The following L1TD1 variants were observed in gnomAD, a reference collection of about 807,000 sequenced individuals.
The protein encoded by L1TD1 is LINE-1 type transposase domain-containing protein 1.
In L1TD1, 26 loss-of-function variants were observed where a neutral mutation model predicts 25.7. The observed-to-expected ratio is 1.01, with a 90% CI of 0.74 to 1.40. The LOEUF is 1.40. Among genes scored for constraint, L1TD1 ranks in the 40% most tolerant of loss-of-function variants. L1TD1 has a pLI of 0.00. For missense variants in L1TD1, 1,130 were observed against 975.0 expected, an observed-to-expected ratio of 1.16 and a Z score of -2.12; for synonymous variants, 421 against 335.6, an observed-to-expected ratio of 1.25 and a Z score of -2.78.
intron 1 of L1TD1, 63 bp from the exon 2 acceptor site, chr1:62,196,372 A>T (rs561664506): frequency 1.1e-3 from 164 of 152,292 alleles, no homozygotes; most frequent in African/African-American, 3.8e-3. Flanking sequence ...CTTCAATATA[A>T]GGTGATTTTC....
chr1:62,210,371 C>T lies in L1TD1; in HGVS notation c.1597C>T (p.Gln533Ter). Reference sequence around the variant, plus strand: ...GAAACACCAGGTGGTGCACAAAACCCAGGAGGAAGAGGAAACAGCTGTGCC... The same window carrying T: ...GAAACACCAGGTGGTGCACAAAACCTAGGAGGAAGAGGAAACAGCTGTGCC... ...LVKHQVVHKT[Q>*]EEEETAVPTS... The change falls in exon 4 of 4, where the codon CAG becomes TAG. Residue 533 changes from glutamine (Q) to a stop codon, truncating the protein, a stop_gained. Transcript: ENST00000498273. LOFTEE classifies it low-confidence loss of function (END_TRUNC). 2 of 1,613,794 alleles carry T rather than the reference C, an allele frequency of 1.2e-6. No individual in the cohort carries two copies. Among genetic ancestry groups the T allele is most frequent in the Non-Finnish European group, 8.5e-7 (1 of 1,179,968 alleles).
At chr1:62,205,443 A>ATATTTTTTTTTTTTTT (rs1553122597) in intron 2 of L1TD1, among the ~76,000 whole-genome samples, 4 of 63,656 alleles carry the variant, frequency 6.3e-5, no homozygotes, top group African/African-American at 2.3e-4. Context: ...ATATATATAT[A>ATATTTTTTTTTTTTTT]TTTTTTTTTA....
rs1670822331 is a variant in L1TD1 at position 62,209,839 on chromosome 1, G to A, written c.1065G>A (p.Leu355=). ...HRAGEITSDG[L]SFLFLKEVKV... ...CTGGAGAAATAACCAGTGATGGCTTGAGCTTCCTATTTCTTAAAGAAGTAA... is the reference window on the plus strand; with the variant it reads ...CTGGAGAAATAACCAGTGATGGCTTAAGCTTCCTATTTCTTAAAGAAGTAA... Residue 355 remains leucine, a synonymous_variant, in exon 4 of 4, where the codon TTG becomes TTA. Coordinates refer to ENST00000498273, the MANE Select transcript of L1TD1 (RefSeq NM_019079.5). The A allele has an allele frequency of 1.2e-6, 2 of 1,613,666 alleles. No homozygotes were observed. Among genetic ancestry groups the A allele is most frequent in the South Asian group, 1.1e-5 (1 of 91,014 alleles).
rs183675775 is a variant in L1TD1, at chr1:62,203,215, G to A, written c.-110-3304G>A. 5.3e-5 allele frequency among the ~76,000 whole-genome samples: 8 copies of A among 151,260 alleles called. No individual in the cohort carries two copies. In the Admixed American group the frequency reaches 5.3e-4, roughly 10 times the overall value. ...GTAATAATCACATCAGGGTAAATGG[G>A]GGTATCCTATGCACTACCTCAAACA... On this transcript the variant is annotated intron_variant, in intron 2 of 3. Coordinates refer to ENST00000498273, the MANE Select transcript of L1TD1 (RefSeq NM_019079.5).
rs1042177245 is a variant in L1TD1 at position 62,205,373 on chromosome 1, T to C, written c.-110-1146T>C. Among the ~76,000 whole-genome samples the C allele has an allele frequency of 8.9e-3, 803 of 89,888 alleles. 7 individuals are homozygous for C. The highest frequency in any genetic ancestry group is 0.029 in the African/African-American group (732 of 25,496). 59.0% of individuals were successfully genotyped at this position (89,888 alleles called of 152,430 possible). Reference sequence around the variant, plus strand: ...AAAATAAAACCAACGAAAACTCTCTTTCTCTCTCTCTCTCTTTCTCTCTCT... The same window carrying C: ...AAAATAAAACCAACGAAAACTCTCTCTCTCTCTCTCTCTCTTTCTCTCTCT... On this transcript the variant is annotated intron_variant, in intron 2 of 3. Coordinates refer to ENST00000498273, the MANE Select transcript of L1TD1 (RefSeq NM_019079.5).
chr1:62,208,849 C>T (rs41514144), intron 3 of L1TD1, among the ~76,000 whole-genome samples: 20,022 of 152,208 alleles, frequency 0.13, 1,632 homozygotes, highest in African/African-American at 0.22. Flanking sequence ...GCCTTTCCAA[C>T]ATTTCCAAGT....
In L1TD1 at chr1:62,210,504, T is replaced by G. The variant is rs1165585106; in HGVS notation, c.1730T>G (p.Leu577Trp). 6.2e-7 allele frequency: 1 copy of G among 1,613,806 alleles called. No homozygotes were observed. Among genetic ancestry groups the G allele is most frequent in the East Asian group, 2.2e-5 (1 of 44,890 alleles). ...DEHKKHSHTNLSISTGVTKLK... is the reference protein window; with the variant it reads ...DEHKKHSHTNWSISTGVTKLK... ...CATAAAAAGCATTCACATACAAATT[T>G]GAGTATTTCAACAGGAGTCACCAAA... Residue 577 changes from leucine (L) to tryptophan (W), a missense_variant, in exon 4 of 4, where the codon TTG becomes TGG. Coordinates refer to ENST00000498273, the MANE Select transcript of L1TD1 (RefSeq NM_019079.5).
At chr1:62,200,153 G>GTATA (rs759033414) in intron 2 of L1TD1, among the ~76,000 whole-genome samples, 1 of 151,720 alleles carries the variant, frequency 6.6e-6, no homozygotes, top group African/African-American at 2.4e-5. Context: ...ATAACATGGT[G>GTATA]TATATATATA....
chr1:62,197,970 CAA>C (rs1670574857), intron 2 of L1TD1, among the ~76,000 whole-genome samples: 1 of 151,732 alleles, frequency 6.6e-6, no homozygotes, highest in Non-Finnish European at 1.5e-5. Context: ...AAAATATGTT[CAA>C]AATATGGCAT....
In L1TD1 at chr1:62,206,922, T is replaced by C. The variant is rs1253094225; in HGVS notation, c.294T>C (p.Ser98=). The C allele has an allele frequency of 4.3e-6, 7 of 1,613,744 alleles. No homozygotes were observed. Among genetic ancestry groups the C allele is most frequent in the African/African-American group, 4.0e-5 (3 of 75,000 alleles). The change falls in exon 3 of 4, where the codon AGT becomes AGC. Residue 98 remains serine (S), a synonymous_variant. Transcript: ENST00000498273. ...TAAAGAATTCAGAGAACTCCAGTAG[T>C]AGGACAGAGTTTCAGCAAATAATCA... ...PEVKNSENSS[S]RTEFQQIINL...
At chr1:62,202,404 C>T (rs1373050353) in intron 2 of L1TD1, among the ~76,000 whole-genome samples, 1 of 151,676 alleles carries the variant, frequency 6.6e-6, no homozygotes, top group Non-Finnish European at 1.5e-5. Flanking sequence ...TTGACCTTTA[C>T]TCTGGTGTAA....
rs1670772859 is a variant in L1TD1, at chr1:62,207,442, T to C, written c.814T>C (p.Phe272Leu). ...CTTCAACATTCTGAGAGAAAATGAT[T>C]TTGAACCTAAATTTCTGTGTGAAGT... ...NVFNILRENDFEPKFLCEVKL... is the reference protein window; with the variant it reads ...NVFNILRENDLEPKFLCEVKL... Residue 272 changes from phenylalanine (F) to leucine (L), a missense_variant, in exon 3 of 4, where the codon TTT (phenylalanine) becomes CTT (leucine). Physicochemically the swap from Phe to Leu is conservative, Grantham distance 22 (BLOSUM62 0). Transcript: ENST00000498273. 3 of 1,550,868 alleles carry C rather than the reference T, an allele frequency of 1.9e-6. No homozygotes were observed. Among genetic ancestry groups the C allele is most frequent in the Non-Finnish European group, 2.6e-6 (3 of 1,146,634 alleles).
intron 2 of L1TD1, among the ~76,000 whole-genome samples, chr1:62,199,008 G>A (rs867753543): frequency 1.4e-4 from 22 of 152,210 alleles, no homozygotes; most frequent in African/African-American, 4.8e-4. Flanking sequence ...TGGTCCCTGA[G>A]CCCTTTTGAT....
chr1:62,200,754 C>T (rs1446016930), intron 2 of L1TD1, among the ~76,000 whole-genome samples: 1 of 151,930 alleles, frequency 6.6e-6, no homozygotes, highest in East Asian at 1.9e-4. Context: ...CTTTTCGTTT[C>T]CTGAAATGTT....
Position 62,206,987 on chromosome 1 carries a change from AAGG to A in L1TD1, c.362_364del (p.Gly121del), listed in dbSNP as rs1316640040. ...AAAACAGGGATGGTAGGGAAAATAG[AAGG>A]AGAAAACTCTAAAATAGGTGATGAT... On this transcript the variant is annotated inframe_deletion, in exon 3 of 4. Transcript: ENST00000498273. 1.2e-6 allele frequency: 2 copies of A among 1,613,070 alleles called. No homozygotes were observed. Among genetic ancestry groups the A allele is most frequent in the Admixed American group, 1.7e-5 (1 of 59,664 alleles).
Position 62,211,415 on chromosome 1 carries a change from A to T in L1TD1, c.*43A>T, listed in dbSNP as rs1314770569. The T allele has an allele frequency of 1.3e-6, 2 of 1,525,394 alleles. No individual in the cohort carries two copies. Among genetic ancestry groups the T allele is most frequent in the Non-Finnish European group, 1.8e-6 (2 of 1,141,856 alleles). The allele number at this position is 1,525,394 out of a possible 1,614,324, so 94.5% of individuals were successfully genotyped here. On this transcript the variant is annotated 3_prime_UTR_variant, in exon 4 of 4. Transcript: ENST00000498273. ...AAACAATATGCTTTCCTCCCCCAGCATGCATCCAAAAATCAACAAGTAAAA... is the reference window on the plus strand; with the variant it reads ...AAACAATATGCTTTCCTCCCCCAGCTTGCATCCAAAAATCAACAAGTAAAA...
At position 62,211,231 on chromosome 1, in the gene L1TD1, T is replaced by G; in HGVS notation, c.2457T>G (p.Phe819Leu). Residue 819 changes from phenylalanine (F) to leucine (L), a missense_variant, in exon 4 of 4, where the codon TTT becomes TTG. Phe to Leu is a conservative substitution (Grantham distance 22, BLOSUM62 0). Coordinates refer to ENST00000498273, the MANE Select transcript of L1TD1 (RefSeq NM_019079.5). ...NVFKVLLEKG[F>L]NPRILYPAKM... ...TCAAAGTTCTGCTGGAAAAAGGCTT[T>G]AATCCTAGAATCCTATATCCAGCCA... The G allele has an allele frequency of 6.4e-7, 1 of 1,570,838 alleles. No individual in the cohort carries two copies. Among genetic ancestry groups the G allele is most frequent in the Non-Finnish European group, 8.6e-7 (1 of 1,157,172 alleles).
At chr1:62,198,096 C>T (rs1231095287) in intron 2 of L1TD1, among the ~76,000 whole-genome samples, 1 of 151,898 alleles carries the variant, frequency 6.6e-6, no homozygotes, top group Non-Finnish European at 1.5e-5. Context: ...GTAAATGTCC[C>T]CATACCCAAG....
Position 62,210,680 on chromosome 1 carries a change from A to C in L1TD1, c.1906A>C (p.Lys636Gln). 6.4e-7 allele frequency: 1 copy of C among 1,554,096 alleles called. No homozygotes were observed. The change falls in exon 4 of 4, where the codon AAA becomes CAA. Residue 636 changes from lysine to glutamine, a missense_variant. Transcript: ENST00000498273. ...REIKEEIGNL[K>Q]SSHSGVLEIE... ...GATAAAAGAGGAGATTGGAAATTTG[A>C]AAAGTTCCCATTCAGGTGTCTTGGA... is the stretch of plus-strand genomic sequence containing the variant.
Sources: allele counts gnomAD v4.1 joint callset (sites outside exome capture counted in the v4.1 genomes callset), GRCh38; gene constraint gnomAD v4.1.1; transcripts MANE v1.5; gene names NCBI Gene and HGNC (gene_info 2026-07-23, HGNC 2026-07-21).